The following USH2A variants were observed in gnomAD, a reference collection of about 807,000 sequenced individuals.
USH2A encodes usherin.
Under a neutral mutation model 538.9 loss-of-function variants are expected in USH2A, and 443 were observed. The observed-to-expected ratio is 0.82, with a 90% CI of 0.76 to 0.89. USH2A has a LOEUF of 0.89. USH2A is among the 40% of genes least tolerant of loss of function. The pLI is 0.00. For missense variants in USH2A, 6,633 were observed against 6,324.8 expected, an observed-to-expected ratio of 1.05 and a Z score of -1.65; for synonymous variants, 2,413 against 2,273.5, an observed-to-expected ratio of 1.06 and a Z score of -1.75.
intron 64 of USH2A, among the ~76,000 whole-genome samples, chr1:215,651,622 T>C (rs1657081288): frequency 6.6e-6 from 1 of 152,056 alleles, no homozygotes; most frequent in Non-Finnish European, 1.5e-5. Flanking sequence ...TCTGAAAAAC[T>C]TGTTTGATTC....
intron 11 of USH2A, 29 bp downstream of exon 11, chr1:216,289,251 C>A (rs764890045): frequency 1.2e-6 from 2 of 1,613,492 alleles, no homozygotes; most frequent in East Asian, 4.5e-5. Context: ...CAGAGTAATC[C>A]TTTACCTTAA....
chr1:215,919,810 A>T (rs773323347), intron 38 of USH2A, among the ~76,000 whole-genome samples: 3 of 151,964 alleles, frequency 2.0e-5, no homozygotes, highest in Non-Finnish European at 2.9e-5. Context: ...TTTAGGTTTA[A>T]TTTTTTCTGA....
At chr1:215,902,240 T>C (rs1298272138) in intron 38 of USH2A, among the ~76,000 whole-genome samples, 1 of 152,152 alleles carries the variant, frequency 6.6e-6, no homozygotes, top group African/African-American at 2.4e-5. Flanking sequence ...ATTTTATACA[T>C]AACCTTGTGT....
At chr1:216,224,778 A>T (rs2035528186) in intron 14 of USH2A, among the ~76,000 whole-genome samples, 1 of 152,194 alleles carries the variant, frequency 6.6e-6, no homozygotes, top group Non-Finnish European at 1.5e-5. Flanking sequence ...GGTAAGGAAT[A>T]TGTGAACCAG....
chr1:215,876,396 T>C (rs1168717599), intron 43 of USH2A, among the ~76,000 whole-genome samples: 2 of 152,158 alleles, frequency 1.3e-5, no homozygotes, highest in East Asian at 3.9e-4. Flanking sequence ...GAATTTTCCT[T>C]AGTTTTGCCA....
chr1:215,999,902 G>C (rs1478605433), intron 33 of USH2A, among the ~76,000 whole-genome samples: 1 of 152,064 alleles, frequency 6.6e-6, no homozygotes, highest in Admixed American at 6.6e-5. Context: ...CTTGATAAGA[G>C]AGACCTATTA....
intron 67 of USH2A, among the ~76,000 whole-genome samples, chr1:215,644,927 A>G (rs1365757984): frequency 1.3e-5 from 2 of 152,204 alleles, no homozygotes; most frequent in Non-Finnish European, 2.9e-5. Context: ...AATCAAAGTG[A>G]GATACACAGA....
intron 35 of USH2A, among the ~76,000 whole-genome samples, chr1:215,989,400 G>A (rs565186249): frequency 1.3e-5 from 2 of 152,158 alleles, no homozygotes; most frequent in African/African-American, 4.8e-5. Flanking sequence ...TGTGTACCTG[G>A]CACCTTGTGC....
chr1:215,805,346 T>C (rs1662470585), intron 49 of USH2A, among the ~76,000 whole-genome samples: 1 of 151,928 alleles, frequency 6.6e-6, no homozygotes, highest in Admixed American at 6.6e-5. Flanking sequence ...ACAAATATTG[T>C]ATGATTCCAA....
chr1:215,684,219 G>C (rs934649489), intron 61 of USH2A, among the ~76,000 whole-genome samples: 1 of 152,142 alleles, frequency 6.6e-6, no homozygotes, highest in African/African-American at 2.4e-5. Context: ...CTGGCAATTT[G>C]AACTATATTT....
chr1:216,048,747 C>G, intron 30 of USH2A, 100 bp from the exon 31 acceptor site: 2 of 1,011,274 alleles, frequency 2.0e-6, no homozygotes, highest in Non-Finnish European at 3.2e-6. Context: ...GAGAGAGAGA[C>G]AAAAACAAAG....
rs572260448 is a variant in USH2A at position 216,248,628 on chromosome 1, T to G, written c.2168-1402A>C. ...TGAATGACTCACCTAAGGCATATCA[T>G]TTAATTTCAATAAGGAAAATAAAAA... On this transcript the variant is annotated intron_variant, in intron 12 of 71. Coordinates refer to ENST00000307340, the MANE Select transcript of USH2A (RefSeq NM_206933.4). Among the ~76,000 whole-genome samples the G allele has an allele frequency of 4.6e-5, 7 of 152,164 alleles. No individual in the cohort carries two copies. In the South Asian group the frequency reaches 1.4e-3, roughly 32 times the overall value.
At chr1:216,068,094 G>A (rs967030386) in intron 30 of USH2A, among the ~76,000 whole-genome samples, 15 of 152,298 alleles carry the variant, frequency 9.8e-5, no homozygotes, top group African/African-American at 3.6e-4. Flanking sequence ...TGATGAAAGA[G>A]TTACTGTGGA....
At chr1:216,137,117 C>T (rs932923573) in intron 21 of USH2A, among the ~76,000 whole-genome samples, 15 of 152,262 alleles carry the variant, frequency 9.9e-5, no homozygotes, top group African/African-American at 3.6e-4. Context: ...CTCAAAGGTA[C>T]AACTCAGAAC....
chr1:215,733,197 C>CG (rs71303016), intron 60 of USH2A, among the ~76,000 whole-genome samples: 25,585 of 78,802 alleles, frequency 0.32, 2,868 homozygotes, highest in Admixed American at 0.38. Context: ...AGAGAGGTGG[C>CG]GGGGGGGCGG....
chr1:215,756,935 C>CAAATAAAT (rs1447527607), intron 58 of USH2A, among the ~76,000 whole-genome samples: 14 of 96,190 alleles, frequency 1.5e-4, no homozygotes, highest in Non-Finnish European at 2.5e-4. Flanking sequence ...AACAAACAAA[C>CAAATAAAT]AAACAAATAA....
At chr1:215,989,031 G>T (rs996618886) in intron 35 of USH2A, among the ~76,000 whole-genome samples, 1 of 152,156 alleles carries the variant, frequency 6.6e-6, no homozygotes, top group Non-Finnish European at 1.5e-5. Context: ...GCTGGCCAAA[G>T]GCTACCAATT....
intron 50 of USH2A, among the ~76,000 whole-genome samples, chr1:215,795,870 T>TAA (rs1662118068): frequency 6.6e-6 from 1 of 152,202 alleles, no homozygotes; most frequent in Admixed American, 6.5e-5. Context: ...GGACCCCAAA[T>TAA]ACCTTTTGTT....
chr1:216,385,166 A>G (rs747315518), intron 3 of USH2A, among the ~76,000 whole-genome samples: 8 of 152,218 alleles, frequency 5.3e-5, no homozygotes, highest in Admixed American at 1.3e-4. Context: ...TCTCTTTCCA[A>G]TATGAGGTAA....
Sources: gnomAD v4.1 joint callset for allele counts (sites outside exome capture counted in the v4.1 genomes callset) on GRCh38, gnomAD v4.1.1 for gene constraint, MANE v1.5 for transcripts, NCBI Gene and HGNC (gene_info 2026-07-23, HGNC 2026-07-21) for gene names.